The following SLC4A8 variants were observed in gnomAD, a reference collection of about 807,000 sequenced individuals.
The protein encoded by SLC4A8 is solute carrier family 4 member 8, also known as electroneutral sodium bicarbonate exchanger 1.
In SLC4A8, 40 loss-of-function variants were observed where a neutral mutation model predicts 125.0. The observed-to-expected ratio is 0.32, with a 90% CI of 0.25 to 0.42. The LOEUF (loss-of-function observed/expected upper bound fraction) is 0.42, where lower values mean the gene tolerates loss of function less well. SLC4A8 is among the 10% of genes least tolerant of loss of function. The probability of loss-of-function intolerance (pLI) is 1.00; values close to 1 mark genes in which losing one functional copy is unlikely to be tolerated. For synonymous variants in SLC4A8, 456 were observed against 476.0 expected (o/e 0.96, Z 0.55); for missense variants, 863 against 1,355.1 (o/e 0.64, Z 5.70).
intron 20 of SLC4A8, 47 bp downstream of exon 20, chr12:51,493,819 C>A: frequency 8.3e-7 from 1 of 1,202,778 alleles, no homozygotes; most frequent in Non-Finnish European, 1.2e-6. Flanking sequence ...TGCAAGTTTG[C>A]ATGTCCTGTC....
At chr12:51,410,141 AT>A (rs1223346832) in intron 1 of SLC4A8, among the ~76,000 whole-genome samples, 1 of 152,206 alleles carries the variant, frequency 6.6e-6, no homozygotes, top group African/African-American at 2.4e-5. Flanking sequence ...CAAGCACATA[AT>A]TAGATAAGCA....
chr12:51,417,587 G>A (rs1266559514), intron 1 of SLC4A8, among the ~76,000 whole-genome samples: 3 of 145,682 alleles, frequency 2.1e-5, no homozygotes, highest in East Asian at 2.1e-4. Flanking sequence ...GGGCGATCTT[G>A]GCTCGCTGCA....
rs573346796 is a variant in SLC4A8, at chr12:51,415,936, G to T, written c.-112+24448G>T. On this transcript the variant is annotated intron_variant, in intron 1 of 24. Coordinates refer to the SLC4A8 transcript ENST00000358657. Reference sequence around the variant, plus strand: ...AAATAAAATTAAATATAATAATATAGTGCCTATATTTGTCTAGTTTAATAA... The same window carrying T: ...AAATAAAATTAAATATAATAATATATTGCCTATATTTGTCTAGTTTAATAA... Among the ~76,000 whole-genome samples the T allele has an allele frequency of 6.6e-5, 10 of 150,870 alleles. No individual in the cohort carries two copies. In the East Asian group the frequency reaches 1.6e-3, roughly 24 times the overall value.
intron 2 of SLC4A8, among the ~76,000 whole-genome samples, chr12:51,443,836 C>T (rs543932217): frequency 4.2e-4 from 64 of 152,236 alleles, no homozygotes; most frequent in African/African-American, 1.0e-3. Flanking sequence ...AAGCAGTGTG[C>T]GTGTACTGCA....
At chr12:51,441,887 T>C (rs922161299) in intron 2 of SLC4A8, among the ~76,000 whole-genome samples, 1 of 152,140 alleles carries the variant, frequency 6.6e-6, no homozygotes, top group Non-Finnish European at 1.5e-5. Flanking sequence ...TGTTTGGGTA[T>C]ACCAAGGTGA....
At chr12:51,492,288 A>C (rs1264057388) in intron 19 of SLC4A8, among the ~76,000 whole-genome samples, 1 of 151,608 alleles carries the variant, frequency 6.6e-6, no homozygotes, top group African/African-American at 2.4e-5. Context: ...ATCTTCAACC[A>C]CCCCAGCCTG....
At chr12:51,430,660 A>AAATT (rs1949158154) in intron 1 of SLC4A8, among the ~76,000 whole-genome samples, 1 of 152,174 alleles carries the variant, frequency 6.6e-6, no homozygotes, top group African/African-American at 2.4e-5. Context: ...TTCGGACTGC[A>AAATT]AATTTACTTC....
rs141994630 is a variant in SLC4A8, at chr12:51,450,439, G to A, written c.131-437G>A. Among the ~76,000 whole-genome samples the A allele has an allele frequency of 8.5e-5, 13 of 152,222 alleles. No homozygotes were observed. The East Asian group carries it at 2.3e-3, about 27-fold the overall frequency. On this transcript the variant is annotated intron_variant, in intron 2 of 24. Coordinates refer to ENST00000453097, the MANE Select transcript of SLC4A8 (RefSeq NM_001039960.3). ...CAAGTGAATGATGGAATTGAGTTTT[G>A]GACCCAGGTGGGCTGATTTGAGCCT...
At chr12:51,463,349 C>G (rs1036130060) in intron 10 of SLC4A8, among the ~76,000 whole-genome samples, 2 of 151,872 alleles carry the variant, frequency 1.3e-5, no homozygotes, top group Non-Finnish European at 2.9e-5. Flanking sequence ...CCCCATTTTT[C>G]TCTTTCTAGG....
chr12:51,506,835 A>T (rs1200710073), intron 24 of SLC4A8, among the ~76,000 whole-genome samples: 2 of 152,344 alleles, frequency 1.3e-5, no homozygotes, highest in East Asian at 3.9e-4. Flanking sequence ...AACTTGAGGC[A>T]TTTTTGCCTG....
Position 51,451,663 on chromosome 12 carries a change from A to AGT in SLC4A8, c.278-449_278-448dup, listed in dbSNP as rs1170997858. Among the ~76,000 whole-genome samples, 24 of 151,938 alleles carry AGT rather than the reference A, an allele frequency of 1.6e-4. No individual in the cohort carries two copies. The South Asian group carries it at 3.5e-3, about 22-fold the overall frequency. On this transcript the variant is annotated intron_variant, in intron 3 of 24. Coordinates refer to ENST00000453097, the MANE Select transcript of SLC4A8 (RefSeq NM_001039960.3). ...TTAGGTGTAAGAAAATTATGGAATA[A>AGT]GTGTGTGTGTGTGAGTATGAGTTTG... is the stretch of plus-strand genomic sequence containing the variant.
chr12:51,421,829 G>A (rs1948795726), upstream of SLC4A8: 1 of 152,204 alleles, frequency 6.6e-6, no homozygotes, highest in South Asian at 2.1e-4. Flanking sequence ...CAGAGAGCTT[G>A]TTCTTGACTC....
intron 11 of SLC4A8, among the ~76,000 whole-genome samples, chr12:51,464,910 C>G (rs1464951737): frequency 1.3e-5 from 2 of 152,064 alleles, no homozygotes; most frequent in African/African-American, 2.4e-5. Flanking sequence ...TGCAGAGAAG[C>G]ATGTTTTCTG....
At chr12:51,497,391 C>A in intron 22 of SLC4A8, 1 of 333,088 alleles carries the variant, frequency 3.0e-6, no homozygotes, top group Non-Finnish European at 5.5e-6. Context: ...ATACAGTATG[C>A]CCTTATTAGC....
intron 5 of SLC4A8, among the ~76,000 whole-genome samples, chr12:51,457,095 T>G (rs1471164770): frequency 6.6e-6 from 1 of 152,230 alleles, no homozygotes; most frequent in African/African-American, 2.4e-5. Flanking sequence ...ATTTCCTCAT[T>G]TGTAAAAATT....
chr12:51,413,907 C>T (rs1340147133), intron 1 of SLC4A8, among the ~76,000 whole-genome samples: 1 of 152,086 alleles, frequency 6.6e-6, no homozygotes, highest in African/African-American at 2.4e-5. Flanking sequence ...TATTTGGGAT[C>T]TTTTTTGGTT....
chr12:51,470,655 A>AAATGATGGTCTCCTT, intron 13 of SLC4A8, 130 bp downstream of exon 13: 1 of 853,792 alleles, frequency 1.2e-6, no homozygotes. Flanking sequence ...AAAGGAGACC[A>AAATGATGGTCTCCTT]TCATTTGGTC....
At chr12:51,394,502 G>A (rs1490532128) in intron 1 of SLC4A8, among the ~76,000 whole-genome samples, 1 of 152,166 alleles carries the variant, frequency 6.6e-6, no homozygotes, top group Non-Finnish European at 1.5e-5. Flanking sequence ...TTCTGCCTCC[G>A]CTGGTACAGG....
chr12:51,468,043 T>A (rs534292844), intron 11 of SLC4A8, among the ~76,000 whole-genome samples: 1 of 152,264 alleles, frequency 6.6e-6, no homozygotes, highest in South Asian at 2.1e-4. Context: ...GTTCCCATTC[T>A]GTAATAGTCC....
Sources: allele counts gnomAD v4.1 joint callset (sites outside exome capture counted in the v4.1 genomes callset), GRCh38; gene constraint gnomAD v4.1.1; transcripts MANE v1.5; gene names NCBI Gene and HGNC (gene_info 2026-07-23, HGNC 2026-07-21).